Variants in PPFIBP2 observed in about 807,000 individuals in gnomAD.
The protein encoded by PPFIBP2 is PPFIB scaffold protein 2.
A neutral mutation model predicts 118.3 loss-of-function variants in PPFIBP2; 118 were observed. That is an observed-to-expected ratio of 1.00 (90% confidence interval 0.86 to 1.16). The LOEUF (loss-of-function observed/expected upper bound fraction) is 1.16. PPFIBP2 is among the 50% of genes most tolerant of loss of function. The probability of loss-of-function intolerance (pLI) is 0.00; values close to 1 mark genes in which losing one functional copy is unlikely to be tolerated. For synonymous variants in PPFIBP2, 414 were observed against 397.4 expected, an observed-to-expected ratio of 1.04 and a Z score of -0.50; for missense variants, 1,195 against 1,073.1, an observed-to-expected ratio of 1.11 and a Z score of -1.59.
chr11:7,576,406 G>A (rs1284535904), intron 3 of PPFIBP2: 1 of 152,534 alleles, frequency 6.6e-6, no homozygotes, highest in Admixed American at 6.5e-5. Context: ...GCTCTCAAAG[G>A]AGATGGGAAT....
chr11:7,561,869 G>C (rs1744510151), intron 2 of PPFIBP2, among the ~76,000 whole-genome samples: 1 of 152,212 alleles, frequency 6.6e-6, no homozygotes, highest in Non-Finnish European at 1.5e-5. Context: ...ATTAGCTGGG[G>C]CTACAGTCAT....
chr11:7,636,687 C>A (rs146411360), intron 14 of PPFIBP2, among the ~76,000 whole-genome samples: 1 of 152,230 alleles, frequency 6.6e-6, no homozygotes, highest in East Asian at 1.9e-4. Context: ...AGGTTTAAGA[C>A]GCCAATTTGA....
At chr11:7,517,593 G>A (rs1225384825) in intron 1 of PPFIBP2, among the ~76,000 whole-genome samples, 1 of 37,352 alleles carries the variant, frequency 2.7e-5, no homozygotes, top group Non-Finnish European at 5.8e-5. Context: ...GGGTGAAAAA[G>A]TGAGTGAAGG....
In PPFIBP2 at chr11:7,529,561, T is replaced by G. The variant is rs2134327169; in HGVS notation, c.-37+15440T>G. ...TTATTATGGGCTCTCTTGATGCCAG[T>G]GCATGGAGCCAGGGACTGCTGCACC... is the stretch of plus-strand genomic sequence containing the variant. On this transcript the variant is annotated intron_variant, in intron 1 of 23. Transcript: ENST00000299492. Among the ~76,000 whole-genome samples, 2 of 152,308 alleles carry G rather than the reference T, an allele frequency of 1.3e-5. 1 individual carries two copies. The highest frequency in any genetic ancestry group is 6.8e-3 in the Middle Eastern group (2 of 294).
At chr11:7,646,997 G>A (rs1268953572) in intron 17 of PPFIBP2, among the ~76,000 whole-genome samples, 1 of 151,778 alleles carries the variant, frequency 6.6e-6, no homozygotes, top group Non-Finnish European at 1.5e-5. Context: ...TCCAGGCCTC[G>A]TAAAATATTT....
intron 2 of PPFIBP2, among the ~76,000 whole-genome samples, chr11:7,550,001 A>T (rs959180063): frequency 9.2e-5 from 14 of 152,064 alleles, no homozygotes; most frequent in Admixed American, 2.6e-4. Flanking sequence ...AATGATTCAA[A>T]TTTTCTTTAT....
intron 7 of PPFIBP2, among the ~76,000 whole-genome samples, chr11:7,622,746 C>T (rs1049102266): frequency 3.9e-5 from 6 of 152,172 alleles, no homozygotes; most frequent in Admixed American, 1.3e-4. Context: ...TTCACAGGCA[C>T]CAGCTCTAGG....
chr11:7,630,797 T>C (rs1167324123), intron 10 of PPFIBP2, 128 bp from the exon 11 acceptor site: 2 of 722,768 alleles, frequency 2.8e-6, no homozygotes, highest in Admixed American at 4.1e-5. Flanking sequence ...AATCACACTC[T>C]TACTGTCCCT....
At chr11:7,647,095 T>A (rs1565120706) in intron 17 of PPFIBP2, among the ~76,000 whole-genome samples, 1 of 152,234 alleles carries the variant, frequency 6.6e-6, no homozygotes, top group Non-Finnish European at 1.5e-5. Flanking sequence ...TGATCTAAAA[T>A]GGGGCATTCT....
intron 4 of PPFIBP2, 125 bp downstream of exon 4, chr11:7,593,349 T>A (rs1859688793): frequency 7.3e-7 from 1 of 1,363,630 alleles, no homozygotes; most frequent in Admixed American, 2.9e-5. Flanking sequence ...GCCTATGTTT[T>A]TAGAAAAGAC....
intron 4 of PPFIBP2, among the ~76,000 whole-genome samples, chr11:7,594,904 G>A (rs186595735): frequency 1.7e-3 from 212 of 126,250 alleles, no homozygotes; most frequent in African/African-American, 6.3e-3. Context: ...GCAACAGAGC[G>A]AGACTCCATC....
intron 8 of PPFIBP2, among the ~76,000 whole-genome samples, chr11:7,628,079 C>T (rs1012825663): frequency 2.0e-5 from 3 of 152,174 alleles, no homozygotes; most frequent in African/African-American, 7.2e-5. Context: ...AAAGAGAAGA[C>T]AGAGTACTAG....
At chr11:7,596,118 A>G (rs997059583) in intron 4 of PPFIBP2, among the ~76,000 whole-genome samples, 1 of 152,216 alleles carries the variant, frequency 6.6e-6, no homozygotes, top group African/African-American at 2.4e-5. Context: ...TAGAGATCCT[A>G]TGATTCCTTG....
In PPFIBP2 at chr11:7,525,926, T is replaced by C. The variant is rs138998228; in HGVS notation, c.-37+11805T>C. ...AAGATATAGGGGAATGACTGCTATT[T>C]TCAGGTGGGCAAGGTGGGCAGCATG... On this transcript the variant is annotated intron_variant, in intron 1 of 23. Transcript: ENST00000299492. Among the ~76,000 whole-genome samples the C allele has an allele frequency of 3.3e-5, 5 of 152,266 alleles. No individual in the cohort carries two copies. In the East Asian group the frequency reaches 7.7e-4, roughly 24 times the overall value.
At chr11:7,518,089 T>C (rs1431108078) in intron 1 of PPFIBP2, among the ~76,000 whole-genome samples, 2 of 152,240 alleles carry the variant, frequency 1.3e-5, no homozygotes, top group Non-Finnish European at 1.5e-5. Flanking sequence ...GGGCCCCTGA[T>C]GGCGGAGGCA....
chr11:7,629,624 A>C (rs1850495215), intron 10 of PPFIBP2, 90 bp downstream of exon 10: 5 of 1,298,130 alleles, frequency 3.9e-6, no homozygotes, highest in Non-Finnish European at 5.6e-6. Context: ...CAGCTGTTTC[A>C]CCTCTGTTTC....
chr11:7,591,625 T>C (rs911069780), intron 3 of PPFIBP2, among the ~76,000 whole-genome samples: 1 of 152,084 alleles, frequency 6.6e-6, no homozygotes, highest in Non-Finnish European at 1.5e-5. Flanking sequence ...TCTTTGTCTG[T>C]GGCATGAAAG....
At chr11:7,617,299 G>C (rs1195523860) in intron 6 of PPFIBP2, 10 of 985,410 alleles carry the variant, frequency 1.0e-5, no homozygotes, top group Non-Finnish European at 1.2e-5. Context: ...TCACCTGTAG[G>C]AACCACACTT....
intron 18 of PPFIBP2, 82 bp downstream of exon 18, chr11:7,648,619 A>G: frequency 6.4e-7 from 1 of 1,557,518 alleles, no homozygotes; most frequent in South Asian, 1.1e-5. Context: ...CCTGTCACAC[A>G]TACACACAGG....
Sources: gnomAD v4.1 joint callset for allele counts (sites outside exome capture counted in the v4.1 genomes callset) on GRCh38, gnomAD v4.1.1 for gene constraint, MANE v1.5 for transcripts, NCBI Gene and HGNC (gene_info 2026-07-23, HGNC 2026-07-21) for gene names.